The following KDM5B variants were observed in gnomAD, a reference collection of about 807,000 sequenced individuals.
KDM5B encodes the protein lysine-specific demethylase 5B.
A neutral mutation model predicts 193.4 loss-of-function variants in KDM5B; 144 were observed. The observed-to-expected ratio is 0.74, with a 90% CI of 0.65 to 0.86. KDM5B has a LOEUF of 0.86. KDM5B is among the 40% of genes least tolerant of loss of function. The probability of loss-of-function intolerance (pLI) is 0.00; values close to 1 mark genes in which losing one functional copy is unlikely to be tolerated. For synonymous variants in KDM5B, 668 were observed against 682.6 expected, an observed-to-expected ratio of 0.98 and a Z score of 0.33; for missense variants, 1,833 against 1,886.9, an observed-to-expected ratio of 0.97 and a Z score of 0.53.
rs1426834716 is a variant in KDM5B at position 202,725,525 on chromosome 1, CAT to C, written c.*3509_*3510del. Reference sequence around the variant, plus strand: ...GGGCGAAGCCATCACACTGCTGCTTCATAGTCACTAGGAGTTGAGGGACCCTG... The same window carrying C: ...GGGCGAAGCCATCACACTGCTGCTTCAGTCACTAGGAGTTGAGGGACCCTG... On this transcript the variant is annotated 3_prime_UTR_variant, in exon 27 of 27. Transcript: ENST00000367265. The C allele has an allele frequency of 6.6e-6, 1 of 152,242 alleles. No homozygotes were observed. The highest frequency in any genetic ancestry group is 2.4e-5 in the African/African-American group (1 of 41,468). 9.4% of individuals were successfully genotyped at this position (152,242 alleles called of 1,614,324 possible).
chr1:202,729,551 A>G (rs1364185386), intron 26 of KDM5B, 156 bp downstream of exon 26: 3 of 640,922 alleles, frequency 4.7e-6, no homozygotes, highest in East Asian at 5.5e-5. Flanking sequence ...GAACGATGGT[A>G]AGAGCACAGA....
At chr1:202,773,677 G>T (rs1284864685) in intron 3 of KDM5B, among the ~76,000 whole-genome samples, 4 of 151,542 alleles carry the variant, frequency 2.6e-5, no homozygotes, top group Non-Finnish European at 5.9e-5. Flanking sequence ...CAGCATGTTT[G>T]ATGGAAAGAA....
At chr1:202,750,195 A>C (rs1186831154) in intron 13 of KDM5B, among the ~76,000 whole-genome samples, 2 of 152,226 alleles carry the variant, frequency 1.3e-5, no homozygotes, top group African/African-American at 4.8e-5. Flanking sequence ...ACTGTGGTAC[A>C]AGTGCTTTAT....
Position 202,750,692 on chromosome 1 carries a change from A to G in KDM5B, c.1788T>C (p.Phe596=), listed in dbSNP as rs556176774. The G allele has an allele frequency of 6.2e-7, 1 of 1,614,110 alleles. No individual in the cohort carries two copies. The highest frequency in any genetic ancestry group is 1.1e-5 in the South Asian group (1 of 91,086). Reference sequence around the variant, plus strand: ...CAGTGCAGAAGTTAACAGCCTCAGCAAAATTAAAACCCTGGTTAAAACCAC... The same window carrying G: ...CAGTGCAGAAGTTAACAGCCTCAGCGAAATTAAAACCCTGGTTAAAACCAC... ...YHSGFNQGFN[F]AEAVNFCTVD... is the part of the protein sequence containing the mutation. The change falls in exon 13 of 27, where the codon TTT becomes TTC. Residue 596 remains phenylalanine, a synonymous_variant. Coordinates refer to ENST00000367265, the MANE Select transcript of KDM5B (RefSeq NM_006618.5).
chr1:202,752,126 C>CTCT (rs1188919486), intron 12 of KDM5B, among the ~76,000 whole-genome samples: 5 of 152,154 alleles, frequency 3.3e-5, no homozygotes, highest in African/African-American at 1.2e-4. Context: ...CTAAGATGGA[C>CTCT]TCTTCATACA....
At chr1:202,755,780 T>C (rs770023410) in intron 10 of KDM5B, among the ~76,000 whole-genome samples, 1 of 152,084 alleles carries the variant, frequency 6.6e-6, no homozygotes, top group African/African-American at 2.4e-5. Context: ...CCTGAGGGCA[T>C]AGTGCTCGTC....
At chr1:202,740,214 G>A (rs911955897) in intron 20 of KDM5B, among the ~76,000 whole-genome samples, 9 of 147,696 alleles carry the variant, frequency 6.1e-5, no homozygotes, top group East Asian at 2.1e-4. Flanking sequence ...CGGACGGGGC[G>A]GCTGGCCGGG....
intron 8 of KDM5B, among the ~76,000 whole-genome samples, chr1:202,759,402 A>G (rs527837156): frequency 6.6e-6 from 1 of 151,962 alleles, no homozygotes; most frequent in South Asian, 2.1e-4. Flanking sequence ...TTAGCTGGGC[A>G]TGGTGGTGCA....
rs1470075527 is a variant in KDM5B, at chr1:202,736,651, T to TC, written c.3085-260_3085-259insG. Among the ~76,000 whole-genome samples the TC allele has an allele frequency of 1.3e-4, 19 of 151,998 alleles. 1 individual carries two copies. Among genetic ancestry groups the TC allele is most frequent in the African/African-American group, 4.6e-4 (19 of 41,364 alleles). On this transcript the variant is annotated intron_variant, in intron 20 of 26. Transcript: ENST00000367265. ...GTGGTGGTGGTAGTGTTGTTTTTTT[T>TC]TTCTTTTTTTAAGACGGAGTATCAC...
At chr1:202,765,991 C>G (rs1211960631) in intron 5 of KDM5B, among the ~76,000 whole-genome samples, 1 of 152,198 alleles carries the variant, frequency 6.6e-6, no homozygotes. Context: ...GCAGAAAAAT[C>G]TTAAAGCAAA....
intron 8 of KDM5B, 87 bp from the exon 9 acceptor site, chr1:202,758,597 G>T: frequency 8.7e-7 from 1 of 1,146,602 alleles, no homozygotes; most frequent in Non-Finnish European, 1.2e-6. Context: ...TAAAAAACAA[G>T]GCTTTAATTT....
chr1:202,787,006 C>G (rs1335964184), intron 1 of KDM5B, among the ~76,000 whole-genome samples: 1 of 152,124 alleles, frequency 6.6e-6, no homozygotes, highest in Non-Finnish European at 1.5e-5. Flanking sequence ...TTTGCAGAAT[C>G]AAGTTTCCCT....
chr1:202,774,563 A>G, intron 3 of KDM5B, 50 bp downstream of exon 3: 1 of 1,544,456 alleles, frequency 6.5e-7, no homozygotes, highest in Non-Finnish European at 8.9e-7. Flanking sequence ...GATCAAATTC[A>G]TTCTGTCAGT....
At chr1:202,793,141 A>C (rs762131161) in intron 1 of KDM5B, among the ~76,000 whole-genome samples, 33 of 152,160 alleles carry the variant, frequency 2.2e-4, no homozygotes, top group Non-Finnish European at 4.3e-4. Flanking sequence ...TGCAACATCC[A>C]ATTTGTCCTT....
intron 1 of KDM5B, among the ~76,000 whole-genome samples, chr1:202,791,931 C>T (rs1202217725): frequency 6.6e-6 from 1 of 152,118 alleles, no homozygotes; most frequent in Non-Finnish European, 1.5e-5. Flanking sequence ...ATTGGCCATG[C>T]TGGTCTTGAA....
chr1:202,762,234 ATTCC>A (rs981602183), intron 7 of KDM5B, among the ~76,000 whole-genome samples: 4 of 149,402 alleles, frequency 2.7e-5, no homozygotes, highest in African/African-American at 2.5e-5. Flanking sequence ...CTTCCTTTTC[ATTCC>A]TTCCTTCCTT....
At chr1:202,774,529 T>C (rs1461937280) in intron 3 of KDM5B, 84 bp downstream of exon 3, 16 of 1,337,574 alleles carry the variant, frequency 1.2e-5, no homozygotes, top group Non-Finnish European at 8.4e-6. Context: ...GGCTGAGCAA[T>C]AAGTTCCTTT....
chr1:202,756,313 GA>G, intron 10 of KDM5B, 44 bp downstream of exon 10: 1 of 1,498,658 alleles, frequency 6.7e-7, no homozygotes, highest in Non-Finnish European at 9.0e-7. Flanking sequence ...CAACCAAACA[GA>G]ATTTCAATAA....
At position 202,756,509 on chromosome 1, in the gene KDM5B, G is replaced by A; in HGVS notation, c.1205C>T (p.Pro402Leu). ...AAATTCTTTCTCAACAAGCTCTGTG[G>A]GGACCATCTGGAAATACAAGGAATA... is the stretch of plus-strand genomic sequence containing the variant. The part of the protein sequence containing the change: ...DYFNMPVHMV[P>L]TELVEKEFWR... Residue 402 changes from proline (P) to leucine (L), a missense_variant, in exon 10 of 27, where the codon CCC becomes CTC. Pro to Leu is a moderately conservative substitution (Grantham distance 98, BLOSUM62 -3). Around this residue, in one of 3 missense-constraint regions of KDM5B, gnomAD observed 99 missense variants for 162.4 expected, o/e 0.61. Coordinates refer to ENST00000367265, the MANE Select transcript of KDM5B (RefSeq NM_006618.5). 6.3e-7 allele frequency: 1 copy of A among 1,584,240 alleles called. No individual in the cohort carries two copies. The highest frequency in any genetic ancestry group is 8.6e-7 in the Non-Finnish European group (1 of 1,167,058).
Sources: allele counts gnomAD v4.1 joint callset (sites outside exome capture counted in the v4.1 genomes callset), GRCh38; gene constraint gnomAD v4.1.1; regional missense constraint gnomAD v4.1.1; transcripts MANE v1.5; gene names NCBI Gene and HGNC (gene_info 2026-07-23, HGNC 2026-07-21).